The following PTPRM variants were observed in gnomAD, a reference collection of about 807,000 sequenced individuals.
PTPRM encodes the protein protein tyrosine phosphatase receptor type M.
A neutral mutation model predicts 186.7 loss-of-function variants in PTPRM; 47 were observed. That is an observed-to-expected ratio of 0.25 (90% CI 0.20 to 0.32). PTPRM has a LOEUF of 0.32. Ranked by LOEUF, PTPRM falls within the 10% of genes least tolerant of loss-of-function variation. The pLI is 1.00. For missense variants in PTPRM, 1,494 were observed against 1,865.0 expected (o/e 0.80, Z 3.66); for synonymous variants, 668 against 674.9 (o/e 0.99, Z 0.16).
At chr18:7,936,188 G>A (rs113787990) in intron 5 of PTPRM, among the ~76,000 whole-genome samples, 2,400 of 152,208 alleles carry the variant, frequency 0.016, 68 homozygotes, top group African/African-American at 0.054. Context: ...GCACAGCTGC[G>A]GCTGCCCAGC....
rs976805780 is a variant in PTPRM at position 7,568,347 on chromosome 18, G to C, written c.73+456G>C. On this transcript the variant is annotated intron_variant, in intron 1 of 32. Coordinates refer to ENST00000580170, the MANE Select transcript of PTPRM (RefSeq NM_001105244.2). The surrounding 1 kb of genome is among the most constrained non-coding windows in gnomAD (Gnocchi z 5.1). ...GCCCAGGCCGCTGGTGTTCGGCTGC[G>C]CCCGCAGCGATCGCCGGGAACTGGC... Among the ~76,000 whole-genome samples, 12 of 151,832 alleles carry C rather than the reference G, an allele frequency of 7.9e-5. No individual in the cohort carries two copies. Among genetic ancestry groups the C allele is most frequent in the South Asian group, 6.2e-4 (3 of 4,832 alleles).
intron 14 of PTPRM, among the ~76,000 whole-genome samples, chr18:8,220,861 A>G (rs530525502): frequency 6.6e-6 from 1 of 152,322 alleles, no homozygotes; most frequent in East Asian, 1.9e-4. Context: ...TTATGTGCTG[A>G]TGGATGTTAT....
intron 2 of PTPRM, among the ~76,000 whole-genome samples, chr18:7,794,368 C>T (rs746128): frequency 0.51 from 76,914 of 151,948 alleles, 20,143 homozygotes; most frequent in East Asian, 0.86. Flanking sequence ...TGTCTGTATG[C>T]TCCCCTAGAG....
In PTPRM at chr18:7,776,808, C is replaced by T. The variant is rs143898608; in HGVS notation, c.196+2537C>T. On this transcript the variant is annotated intron_variant, in intron 2 of 32. Coordinates refer to ENST00000580170, the MANE Select transcript of PTPRM (RefSeq NM_001105244.2). ...GTGGAGCTGTGCCCAGCTGACCCAT[C>T]GACCAAAGTGAGGAGTTACATTCTC... Among the ~76,000 whole-genome samples, 523 of 152,268 alleles carry T rather than the reference C, an allele frequency of 3.4e-3. 8 individuals carry two copies. Among genetic ancestry groups the T allele is most frequent in the African/African-American group, 0.011 (466 of 41,558 alleles).
At chr18:8,275,302 G>A (rs61504738) in intron 19 of PTPRM, among the ~76,000 whole-genome samples, 8,324 of 152,144 alleles carry the variant, frequency 0.055, 310 homozygotes, top group African/African-American at 0.099. Context: ...AAAATTAGCT[G>A]GCCATGGTAG....
At chr18:7,801,247 A>T (rs2043952190) in intron 2 of PTPRM, among the ~76,000 whole-genome samples, 1 of 152,108 alleles carries the variant, frequency 6.6e-6, no homozygotes, top group South Asian at 2.1e-4. Flanking sequence ...GTATAAAAAT[A>T]TTTTCTTTAT....
At chr18:7,603,213 C>T (rs1567977565) in intron 1 of PTPRM, among the ~76,000 whole-genome samples, 1 of 152,118 alleles carries the variant, frequency 6.6e-6, no homozygotes, top group African/African-American at 2.4e-5. Context: ...CAGGTGTGAG[C>T]CACCGTGCCC....
At chr18:7,760,823 C>T (rs2144747344) in intron 1 of PTPRM, among the ~76,000 whole-genome samples, 1 of 152,262 alleles carries the variant, frequency 6.6e-6, no homozygotes, top group African/African-American at 2.4e-5. Flanking sequence ...TAGGGTTGGA[C>T]TCACCTATGC....
chr18:8,357,059 C>T (rs1035825350), intron 23 of PTPRM, among the ~76,000 whole-genome samples: 1 of 152,216 alleles, frequency 6.6e-6, no homozygotes, highest in African/African-American at 2.4e-5. Flanking sequence ...TTCCTGTACA[C>T]TCTGAATACC....
chr18:7,746,640 A>AT (rs1221526349), intron 1 of PTPRM, among the ~76,000 whole-genome samples: 1 of 151,792 alleles, frequency 6.6e-6, no homozygotes, highest in African/African-American at 2.4e-5. Context: ...TAATTTTTGT[A>AT]TTTTTAGTAG....
chr18:7,758,664 A>T (rs1055768002), intron 1 of PTPRM, among the ~76,000 whole-genome samples: 1 of 152,208 alleles, frequency 6.6e-6, no homozygotes, highest in African/African-American at 2.4e-5. Context: ...ATTAAAGTTC[A>T]GTAGAATGAA....
At chr18:8,387,999 C>T (rs1463267661) in intron 31 of PTPRM, among the ~76,000 whole-genome samples, 2 of 150,734 alleles carry the variant, frequency 1.3e-5, no homozygotes, top group East Asian at 3.9e-4. Flanking sequence ...AAATCAAAAT[C>T]TCTGGGAGTG....
chr18:8,321,171 T>C (rs1303855282), intron 22 of PTPRM, among the ~76,000 whole-genome samples: 2 of 152,216 alleles, frequency 1.3e-5, no homozygotes, highest in Non-Finnish European at 2.9e-5. Context: ...TTAACAGTTT[T>C]TGTAAATTCG....
chr18:7,949,348 A>T lies in PTPRM; in HGVS notation c.831A>T (p.Val277=). 1 of 1,611,114 alleles carries T rather than the reference A, an allele frequency of 6.2e-7. No individual in the cohort carries two copies. Residue 277 remains valine (V), a synonymous_variant, in exon 6 of 33, where the codon GTA becomes GTT. Transcript: ENST00000580170. The part of the protein sequence containing the change: ...GVGISNYAEL[V]VKEPPVPIAP... ...GAATATCAAACTATGCAGAGTTGGT[A>T]GTTAAAGGTATTTAATGTGTTTTTA...
At chr18:8,141,455 C>T (rs2092765245) in intron 13 of PTPRM, among the ~76,000 whole-genome samples, 1 of 152,194 alleles carries the variant, frequency 6.6e-6, no homozygotes, top group African/African-American at 2.4e-5. Context: ...CCACAGGCTG[C>T]ATAGCAATGT....
Position 8,021,161 on chromosome 18 carries a change from A to G in PTPRM, c.1133-48525A>G, listed in dbSNP as rs116161507. Among the ~76,000 whole-genome samples the G allele has an allele frequency of 3.1e-3, 477 of 152,160 alleles. 4 individuals carry two copies. Among genetic ancestry groups the G allele is most frequent in the African/African-American group, 0.011 (464 of 41,500 alleles). ...CTCTGTTAGAAAATTATGTTGGAAA[A>G]TACTCTGTGTACTTGGCGACAAGCC... On this transcript the variant is annotated intron_variant, in intron 7 of 32. Transcript: ENST00000580170.
At chr18:7,936,871 A>C (rs1234271928) in intron 5 of PTPRM, among the ~76,000 whole-genome samples, 2 of 152,070 alleles carry the variant, frequency 1.3e-5, no homozygotes, top group Non-Finnish European at 2.9e-5. Flanking sequence ...CTGCCTGGAG[A>C]GAGAAGCTGC....
At chr18:7,902,510 G>A (rs1343242998) in intron 3 of PTPRM, among the ~76,000 whole-genome samples, 1 of 152,166 alleles carries the variant, frequency 6.6e-6, no homozygotes, top group Non-Finnish European at 1.5e-5. Flanking sequence ...TTGGAGGGGA[G>A]GAGTCATGGT....
intron 20 of PTPRM, among the ~76,000 whole-genome samples, chr18:8,301,966 G>T (rs1474729326): frequency 6.6e-6 from 1 of 152,246 alleles, no homozygotes; most frequent in Non-Finnish European, 1.5e-5. Context: ...AGCAGGGAAG[G>T]CTGTGCTGCC....
Sources: allele counts gnomAD v4.1 joint callset (sites outside exome capture counted in the v4.1 genomes callset), GRCh38; gene constraint gnomAD v4.1.1; non-coding constraint Gnocchi (gnomAD v3.1); transcripts MANE v1.5; gene names NCBI Gene and HGNC (gene_info 2026-07-23, HGNC 2026-07-21).